GALNT13: variants seen among roughly 807,000 people sequenced by gnomAD.
GALNT13 encodes UDP-GalNAc:polypeptide N-acetylgalactosaminyltransferase 13.
Under a neutral mutation model 64.2 loss-of-function variants are expected in GALNT13, and 28 were observed. The observed-to-expected ratio is 0.44, with a 90% CI of 0.32 to 0.60. GALNT13 has a LOEUF of 0.60. Ranked by LOEUF, GALNT13 falls within the 20% of genes least tolerant of loss-of-function variation. The pLI, the probability that GALNT13 is intolerant of heterozygous loss-of-function variation, is 0.05. For missense variants in GALNT13, 577 were observed against 669.8 expected, an observed-to-expected ratio of 0.86 and a Z score of 1.53; for synonymous variants, 214 against 224.6, an observed-to-expected ratio of 0.95 and a Z score of 0.42.
At chr2:153,428,795 A>G in the GALNT13 span, among the ~76,000 whole-genome samples, 4 of 152,132 alleles carry the variant, frequency 2.6e-5, no homozygotes, top group Non-Finnish European at 5.9e-5. Context: ...GAAGTGTGAA[A>G]TTATGTTTGT....
At chr2:153,643,302 A>C in the GALNT13 span, among the ~76,000 whole-genome samples, 2 of 151,594 alleles carry the variant, frequency 1.3e-5, no homozygotes, top group African/African-American at 4.8e-5. Context: ...GCAATACTTT[A>C]GGGTTTTAAA....
intron 3 of GALNT13, among the ~76,000 whole-genome samples, chr2:154,049,441 A>G (rs1699462168): frequency 7.2e-6 from 1 of 138,978 alleles, no homozygotes; most frequent in African/African-American, 2.5e-5. Flanking sequence ...TATACTATTC[A>G]TTGTGATATA....
chr2:153,867,748 A>G (rs1448597873), upstream of GALNT13, among the ~76,000 whole-genome samples: 1 of 151,846 alleles, frequency 6.6e-6, no homozygotes, highest in Non-Finnish European at 1.5e-5. Context: ...GTGACAGATC[A>G]TCAGGCATTA....
At chr2:153,492,171 A>T in the GALNT13 span, among the ~76,000 whole-genome samples, 3 of 152,206 alleles carry the variant, frequency 2.0e-5, no homozygotes, top group Non-Finnish European at 4.4e-5. Context: ...CCAACCATTC[A>T]AACACATAGG....
At chr2:154,287,052 T>C in intron 8 of GALNT13, 1 of 691,364 alleles carries the variant, frequency 1.4e-6, no homozygotes, top group Non-Finnish European at 2.7e-6. Flanking sequence ...GTGATGACCT[T>C]ACAGGTCATC....
chr2:154,015,470 A>G (rs560259486), intron 3 of GALNT13, among the ~76,000 whole-genome samples: 1 of 152,190 alleles, frequency 6.6e-6, no homozygotes, highest in South Asian at 2.1e-4. Context: ...TGGTACACTG[A>G]TATTTGTTGA....
intron 3 of GALNT13, among the ~76,000 whole-genome samples, chr2:154,012,331 A>G (rs562389372): frequency 2.2e-4 from 34 of 152,158 alleles, no homozygotes; most frequent in Non-Finnish European, 3.5e-4. Context: ...TATGAGGCTT[A>G]GTGTGGCTGG....
the GALNT13 span, among the ~76,000 whole-genome samples, chr2:153,610,940 A>G: frequency 1.3e-5 from 2 of 152,188 alleles, no homozygotes; most frequent in Non-Finnish European, 2.9e-5. Flanking sequence ...TTGGACCAAG[A>G]AGCACAGTAT....
intron 3 of GALNT13, among the ~76,000 whole-genome samples, chr2:154,127,518 TTAAGTACCTCCA>T (rs1212070413): frequency 6.6e-6 from 1 of 151,740 alleles, no homozygotes; most frequent in Admixed American, 6.6e-5. Flanking sequence ...GTAAGGAAAA[TTAAGTACCTCCA>T]TAAGTAGTTG....
At chr2:153,486,471 C>T in the GALNT13 span, among the ~76,000 whole-genome samples, 1 of 152,148 alleles carries the variant, frequency 6.6e-6, no homozygotes, top group African/African-American at 2.4e-5. Flanking sequence ...CATCTGATTA[C>T]AGTGGACTTC....
chr2:154,004,493 C>T (rs891307799), intron 3 of GALNT13, among the ~76,000 whole-genome samples: 8 of 152,096 alleles, frequency 5.3e-5, no homozygotes, highest in African/African-American at 1.4e-4. Flanking sequence ...TGTGAGCCAC[C>T]GCACCCAGCC....
the GALNT13 span, among the ~76,000 whole-genome samples, chr2:153,863,554 C>G: frequency 6.6e-6 from 1 of 151,924 alleles, no homozygotes; most frequent in Non-Finnish European, 1.5e-5. Context: ...AAAATAAAGT[C>G]CAAGTGAAAA....
chr2:153,478,730 C>A, the GALNT13 span: 3 of 622,926 alleles, frequency 4.8e-6, no homozygotes, highest in Admixed American at 3.1e-5. Flanking sequence ...TTCCCAGGAG[C>A]CTCTCCGACG....
At chr2:153,760,945 C>A in the GALNT13 span, among the ~76,000 whole-genome samples, 2 of 152,104 alleles carry the variant, frequency 1.3e-5, no homozygotes, top group African/African-American at 2.4e-5. Flanking sequence ...CTTGTTATAT[C>A]TTCCTGATAG....
intron 9 of GALNT13, among the ~76,000 whole-genome samples, chr2:154,341,073 A>G (rs961616125): frequency 2.0e-5 from 3 of 152,188 alleles, no homozygotes; most frequent in Non-Finnish European, 4.4e-5. Context: ...AGGCACACAT[A>G]TAAAGTAACA....
intron 4 of GALNT13, among the ~76,000 whole-genome samples, chr2:154,217,999 C>T (rs1313397129): frequency 6.6e-6 from 1 of 152,196 alleles, no homozygotes; most frequent in Admixed American, 6.5e-5. Flanking sequence ...AGATATCCAA[C>T]AAGCCTATAC....
the GALNT13 span, among the ~76,000 whole-genome samples, chr2:153,744,727 G>C: frequency 6.6e-6 from 1 of 152,106 alleles, no homozygotes; most frequent in East Asian, 1.9e-4. Context: ...TCTCACTAGA[G>C]TTGTCATATG....
At chr2:154,241,668 T>C (rs920264997) in intron 4 of GALNT13, among the ~76,000 whole-genome samples, 13 of 152,222 alleles carry the variant, frequency 8.5e-5, no homozygotes, top group Non-Finnish European at 1.6e-4. Context: ...TCTTGAGTTA[T>C]ACATTTTTAT....
intron 4 of GALNT13, among the ~76,000 whole-genome samples, chr2:154,174,400 C>G (rs887226286): frequency 6.6e-6 from 1 of 152,046 alleles, no homozygotes; most frequent in African/African-American, 2.4e-5. Context: ...GTCAAAGACT[C>G]TAAGAAACAA....
Sources: gnomAD v4.1 joint callset for allele counts (sites outside exome capture counted in the v4.1 genomes callset) on GRCh38, gnomAD v4.1.1 for gene constraint, MANE v1.5 for transcripts, NCBI Gene and HGNC (gene_info 2026-07-23, HGNC 2026-07-21) for gene names.